Variants in SPTY2D1 observed in about 807,000 individuals in gnomAD.
SPTY2D1 encodes SPT2 chromatin protein domain containing 1, also known as protein SPT2 homolog.
Under a neutral mutation model 64.0 loss-of-function variants are expected in SPTY2D1, and 21 were observed. The ratio of observed to expected loss-of-function variants is 0.33; its 90% CI spans 0.23 to 0.47. The LOEUF is 0.47. Among genes scored for constraint, SPTY2D1 ranks in the 20% least tolerant of loss-of-function variants. SPTY2D1 has a pLI of 1.00. For missense variants in SPTY2D1, 724 were observed against 837.2 expected (o/e 0.86, Z 1.67); for synonymous variants, 287 against 286.8 (o/e 1.00, Z -0.01).
chr11:18,630,496 A>C (rs1255729573), intron 1 of SPTY2D1, among the ~76,000 whole-genome samples: 1 of 152,188 alleles, frequency 6.6e-6, no homozygotes, highest in Non-Finnish European at 1.5e-5. Context: ...AAAGCTCTGC[A>C]AAGAGTCTGA....
chr11:18,607,707 C>T lies in SPTY2D1; in HGVS notation c.*2154G>A, dbSNP rs1347381940. 3 of 152,226 alleles carry T rather than the reference C, an allele frequency of 2.0e-5. No individual in the cohort carries two copies. Among genetic ancestry groups the T allele is most frequent in the African/African-American group, 4.8e-5 (2 of 41,434 alleles). 9.4% of individuals were successfully genotyped at this position (152,226 alleles called of 1,614,324 possible). On this transcript the variant is annotated 3_prime_UTR_variant, in exon 6 of 6. Coordinates refer to ENST00000336349, the MANE Select transcript of SPTY2D1 (RefSeq NM_194285.3). ...CAAGGCCAAAATTTAAAAGACTTAACCTTTTTTTTCTTTTAAATGAGCCAC... is the reference window on the plus strand; with the variant it reads ...CAAGGCCAAAATTTAAAAGACTTAATCTTTTTTTTCTTTTAAATGAGCCAC...
intron 5 of SPTY2D1, among the ~76,000 whole-genome samples, chr11:18,611,159 A>C (rs1203265836): frequency 1.3e-5 from 2 of 152,256 alleles, no homozygotes; most frequent in South Asian, 2.1e-4. Context: ...AAAAACAGTG[A>C]TGGTCCAGTG....
chr11:18,615,611 T>A lies in SPTY2D1; in HGVS notation c.663A>T (p.Gly221=), dbSNP rs373892917. 1 of 1,614,106 alleles carries A rather than the reference T, an allele frequency of 6.2e-7. No homozygotes were observed. The highest frequency in any genetic ancestry group is 1.3e-5 in the African/African-American group (1 of 74,934). The change falls in exon 3 of 6, where the codon GGA becomes GGT. Residue 221 remains glycine (G), a synonymous_variant. Coordinates refer to ENST00000336349, the MANE Select transcript of SPTY2D1 (RefSeq NM_194285.3). ...TTTTGGACACAGTTGGAGGTAGTTT[T>A]CCATCTGTCTCAAGTTTTTTTCTCC... The part of the protein sequence containing the change: ...KHRRKKLETD[G]KLPPTVSKKA...
rs1013899300 is a variant in SPTY2D1, at chr11:18,612,050, A to G, written c.1886+264T>C. 1.4e-5 allele frequency: 4 copies of G among 276,548 alleles called. No homozygotes were observed. The highest frequency in any genetic ancestry group is 4.4e-5 in the African/African-American group (2 of 45,618). 17.1% of individuals were successfully genotyped at this position (276,548 alleles called of 1,614,324 possible). A position where few individuals can be genotyped will look rare whatever the true frequency, so the allele number is the denominator to read the frequency against. ...ACTTCTACTACACTAAGCTGCTTCC[A>G]TCTCACTAAATATATATCTTATAAG... On this transcript the variant is annotated intron_variant, in intron 4 of 5. Transcript: ENST00000336349. The surrounding 1 kb of genome is among the most constrained non-coding windows in gnomAD (Gnocchi z 4.6).
rs139373095 is a variant in SPTY2D1, at chr11:18,615,563, A to G, written c.711T>C (p.Ser237=). The G allele has an allele frequency of 9.3e-6, 15 of 1,614,154 alleles. No homozygotes were observed. In the East Asian group the frequency reaches 3.1e-4, roughly 34 times the overall value. ...VSKKAPSQKE[S]VGTKLSKGSG... ...AACCTTTGCTAAGTTTTGTGCCCAC[A>G]CTTTCTTTCTGAGAGGGTGCCTTTT... The change falls in exon 3 of 6, where the codon AGT becomes AGC. Residue 237 remains serine, a synonymous_variant. Transcript: ENST00000336349.
intron 1 of SPTY2D1, among the ~76,000 whole-genome samples, chr11:18,626,499 T>C (rs1854501326): frequency 6.6e-6 from 1 of 151,964 alleles, no homozygotes; most frequent in Non-Finnish European, 1.5e-5. Context: ...TCAAGCTGTG[T>C]AGGTAACAAC....
At chr11:18,628,192 C>T (rs1295702006) in intron 1 of SPTY2D1, among the ~76,000 whole-genome samples, 4 of 152,216 alleles carry the variant, frequency 2.6e-5, no homozygotes, top group Non-Finnish European at 2.9e-5. Flanking sequence ...ACAGAAAATA[C>T]TGAAATCCTG....
At chr11:18,622,086 C>CAA (rs747593791) in intron 1 of SPTY2D1, among the ~76,000 whole-genome samples, 168 of 11,834 alleles carry the variant, frequency 0.014, 14 homozygotes, top group African/African-American at 0.035. Flanking sequence ...GACCCTATCT[C>CAA]AAAAAAAAAA....
intron 1 of SPTY2D1, among the ~76,000 whole-genome samples, chr11:18,631,602 C>CA (rs10617150): frequency 0.1 from 12,107 of 116,152 alleles, 651 homozygotes; most frequent in South Asian, 0.13. Context: ...AAATAGATAA[C>CA]AAAAAAAAAA....
In SPTY2D1 at chr11:18,615,894, T is replaced by G; in HGVS notation, c.380A>C (p.Glu127Ala). The change falls in exon 3 of 6, where the codon GAA (glutamate) becomes GCA (alanine). Residue 127 changes from glutamate to alanine, a missense_variant. Transcript: ENST00000336349. The stretch of plus-strand genomic sequence containing the variant: ...ATTGTACTCGAGGAATTCATTCTCT[T>G]CTTCCATTTCATACTCTCGGTCGGT... ...QGTDREYEME[E>A]ENEFLEYNHA... 6.2e-7 allele frequency: 1 copy of G among 1,614,192 alleles called. No individual in the cohort carries two copies. Among genetic ancestry groups the G allele is most frequent in the Middle Eastern group, 1.6e-4 (1 of 6,062 alleles).
chr11:18,614,922 C>G lies in SPTY2D1; in HGVS notation c.1352G>C (p.Gly451Ala). ...CAAGGGTCTTGCAGAACTAACTGAACCACTGATGGGTCGCCCAGGGCCACC... is the reference window on the plus strand; with the variant it reads ...CAAGGGTCTTGCAGAACTAACTGAAGCACTGATGGGTCGCCCAGGGCCACC... ...SSGGPGRPIS[G>A]SVSSARPLGS... The change falls in exon 3 of 6, where the codon GGT becomes GCT. Residue 451 changes from glycine to alanine, a missense_variant. Physicochemically the swap from Gly to Ala is moderately conservative, Grantham distance 60. This residue lies in a region of SPTY2D1 where 426 missense variants were observed against 431.8 expected (regional missense o/e 0.99). Transcript: ENST00000336349. 2 of 1,613,230 alleles carry G rather than the reference C, an allele frequency of 1.2e-6. No homozygotes were observed. The highest frequency in any genetic ancestry group is 1.7e-6 in the Non-Finnish European group (2 of 1,179,276).
At chr11:18,629,736 G>A (rs1194832197) in intron 1 of SPTY2D1, among the ~76,000 whole-genome samples, 1 of 152,170 alleles carries the variant, frequency 6.6e-6, no homozygotes, top group Non-Finnish European at 1.5e-5. Flanking sequence ...ACTGGGAAAT[G>A]ACAGTGTGCC....
rs747593791 is a variant in SPTY2D1, at chr11:18,622,086, CA to C, written c.61-5098del. On this transcript the variant is annotated intron_variant, in intron 1 of 5. Coordinates refer to ENST00000336349, the MANE Select transcript of SPTY2D1 (RefSeq NM_194285.3). ...TGAACAACAGAGTAAGACCCTATCT[CA>C]AAAAAAAAAAAAAAAAACCAAAACC... 4.6e-3 allele frequency among the ~76,000 whole-genome samples: 55 copies of C among 11,834 alleles called. 3 individuals carry two copies. The highest frequency in any genetic ancestry group is 0.011 in the African/African-American group (47 of 4,212). The allele number at this position is 11,834 out of a possible 152,430, so 7.8% of individuals were successfully genotyped here. A position where few individuals can be genotyped will look rare whatever the true frequency, so the allele number is the denominator to read the frequency against.
In SPTY2D1 at chr11:18,615,823, T is replaced by G; in HGVS notation, c.451A>C (p.Lys151Gln). 2 of 1,614,120 alleles carry G rather than the reference T, an allele frequency of 1.2e-6. No homozygotes were observed. The highest frequency in any genetic ancestry group is 1.7e-6 in the Non-Finnish European group (2 of 1,180,002). Residue 151 changes from lysine (K) to glutamine (Q), a missense_variant, in exon 3 of 6, where the codon AAA becomes CAA. Around this residue, in one of 3 missense-constraint regions of SPTY2D1, gnomAD observed 179 missense variants for 232.5 expected, o/e 0.77. Transcript: ENST00000336349. ...GGGACCTTTGGTTTGCTTTCAACTT[T>G]GGGAGGTTCTTGCTCTTCCTCATAC... ...QEYEEEQEPP[K>Q]VESKPKVPLK...
rs1166332527 is a variant in SPTY2D1 at position 18,607,401 on chromosome 11, A to G, written c.*2460T>C. ...TTTATGAAAACTACTTTCCTTTCAC[A>G]TCATTTGTTAGAGAATGCCACACCC... is the stretch of plus-strand genomic sequence containing the variant. On this transcript the variant is annotated 3_prime_UTR_variant, in exon 6 of 6. Transcript: ENST00000336349. 1 of 152,602 alleles carries G rather than the reference A, an allele frequency of 6.6e-6. No homozygotes were observed. Among genetic ancestry groups the G allele is most frequent in the Non-Finnish European group, 1.5e-5 (1 of 68,050 alleles). 9.5% of individuals were successfully genotyped at this position (152,602 alleles called of 1,614,324 possible). A position where few individuals can be genotyped will look rare whatever the true frequency, so the allele number is the denominator to read the frequency against.
intron 1 of SPTY2D1, 34 bp downstream of exon 1, chr11:18,634,164 G>T (rs766347878): frequency 3.1e-5 from 50 of 1,612,676 alleles, no homozygotes; most frequent in Middle Eastern, 1.6e-4. Flanking sequence ...GGAAGACTAG[G>T]GTCCCCTACA....
In SPTY2D1 at chr11:18,606,891, C is replaced by T. The variant is rs867781008; in HGVS notation, c.*2970G>A. The T allele has an allele frequency of 1.2e-5, 4 of 343,708 alleles. No homozygotes were observed. The highest frequency in any genetic ancestry group is 2.3e-5 in the African/African-American group (1 of 43,398). The allele number at this position is 343,708 out of a possible 1,614,324, so 21.3% of individuals were successfully genotyped here. On this transcript the variant is annotated 3_prime_UTR_variant, in exon 6 of 6. Transcript: ENST00000336349. ...TTCTTTTTTTTTTGACATGGAGTCT[C>T]GCTCTGTCACCCAGCCTGGAGTGCA...
intron 3 of SPTY2D1, among the ~76,000 whole-genome samples, chr11:18,613,837 T>C (rs1590400094): frequency 1.3e-5 from 2 of 152,210 alleles, no homozygotes; most frequent in Middle Eastern, 6.8e-3. Context: ...CTAACCATTA[T>C]AACAAGCAGA....
In SPTY2D1 at chr11:18,614,930, G is replaced by A. The variant is rs1452673065; in HGVS notation, c.1344C>T (p.Pro448=). Residue 448 remains proline, a synonymous_variant, in exon 3 of 6, where the codon CCC becomes CCT. Transcript: ENST00000336349. ...TTGCAGAACTAACTGAACCACTGAT[G>A]GGTCGCCCAGGGCCACCTGAGCTGC... The part of the protein sequence containing the change: ...PASSSGGPGR[P]ISGSVSSARP... The A allele has an allele frequency of 6.2e-7, 1 of 1,613,158 alleles. No individual in the cohort carries two copies. Among genetic ancestry groups the A allele is most frequent in the Admixed American group, 1.7e-5 (1 of 60,016 alleles).
Sources: gnomAD v4.1 joint callset for allele counts (sites outside exome capture counted in the v4.1 genomes callset) on GRCh38, gnomAD v4.1.1 for gene constraint, gnomAD v4.1.1 regional missense constraint, Gnocchi (gnomAD v3.1) non-coding constraint, MANE v1.5 for transcripts, NCBI Gene and HGNC (gene_info 2026-07-23, HGNC 2026-07-21) for gene names.